The following TPD52L1 variants were observed in gnomAD, a reference collection of about 807,000 sequenced individuals.
TPD52L1 encodes the protein tumor protein D53.
A neutral mutation model predicts 28.7 loss-of-function variants in TPD52L1; 18 were observed. That is an observed-to-expected ratio of 0.63 (90% CI 0.43 to 0.93). The LOEUF is 0.93. Ranked by LOEUF, TPD52L1 falls within the 40% of genes least tolerant of loss-of-function variation. TPD52L1 has a pLI of 0.00. For missense variants in TPD52L1, 203 were observed against 254.8 expected, an observed-to-expected ratio of 0.80 and a Z score of 1.39; for synonymous variants, 75 against 88.8, an observed-to-expected ratio of 0.84 and a Z score of 0.88.
At chr6:125,202,034 T>G (rs560175835) in intron 1 of TPD52L1, among the ~76,000 whole-genome samples, 1 of 152,342 alleles carries the variant, frequency 6.6e-6, no homozygotes, top group East Asian at 1.9e-4. Flanking sequence ...CAATGCTTTT[T>G]GAATGTTCAG....
intron 1 of TPD52L1, among the ~76,000 whole-genome samples, chr6:125,202,432 C>A (rs1326498251): frequency 1.3e-5 from 2 of 152,092 alleles, no homozygotes; most frequent in African/African-American, 4.8e-5. Flanking sequence ...CACCTCACTC[C>A]CTCAGGAGTT....
intron 1 of TPD52L1, among the ~76,000 whole-genome samples, chr6:125,174,004 C>T (rs1360298482): frequency 1.3e-5 from 2 of 152,204 alleles, no homozygotes; most frequent in Non-Finnish European, 2.9e-5. Flanking sequence ...TTTCCCAGTG[C>T]AGTCCCTTAT....
chr6:125,250,085 C>A (rs755200893), intron 4 of TPD52L1, among the ~76,000 whole-genome samples: 15 of 151,992 alleles, frequency 9.9e-5, no homozygotes, highest in Non-Finnish European at 2.1e-4. Context: ...AAATAGGAAA[C>A]CCTCTATAAC....
chr6:125,172,157 T>TTTCTTTCTTTTC (rs1554202455), intron 1 of TPD52L1, among the ~76,000 whole-genome samples: 19 of 54,022 alleles, frequency 3.5e-4, no homozygotes, highest in Non-Finnish European at 4.4e-4. Flanking sequence ...TCTTTCTTTC[T>TTTCTTTCTTTTC]TTTCTTTCTT....
intron 3 of TPD52L1, among the ~76,000 whole-genome samples, chr6:125,245,472 AG>A (rs1796870743): frequency 6.6e-6 from 1 of 152,124 alleles, no homozygotes; most frequent in African/African-American, 2.4e-5. Flanking sequence ...AAAGCTCTCA[AG>A]AGTTTATGTC....
At chr6:125,154,937 GA>G (rs372603840) in intron 1 of TPD52L1, among the ~76,000 whole-genome samples, 4,950 of 145,650 alleles carry the variant, frequency 0.034, 282 homozygotes, top group African/African-American at 0.11. Context: ...TCATTAAAAA[GA>G]AAAAAAAAAA....
intron 6 of TPD52L1, chr6:125,261,518 A>G (rs569706867): frequency 6.6e-6 from 1 of 152,220 alleles, no homozygotes; most frequent in South Asian, 2.1e-4. Context: ...AGGGAAGGCC[A>G]GTGTGACTAT....
chr6:125,253,100 T>A (rs1312420646), intron 4 of TPD52L1: 2 of 152,336 alleles, frequency 1.3e-5, no homozygotes, highest in Non-Finnish European at 2.9e-5. Flanking sequence ...GAAGTTTAAA[T>A]CTCTTAAAAT....
rs545786943 is a variant in TPD52L1, at chr6:125,182,224, T to C, written c.19+28254T>C. 3.9e-5 allele frequency among the ~76,000 whole-genome samples: 6 copies of C among 152,322 alleles called. No individual in the cohort carries two copies. The East Asian group carries it at 1.2e-3, about 29-fold the overall frequency. ...CATACAAACCAATTTAAACCAATTC[T>C]GTGCTTTCTCTAGGGCAGATGTGCA... On this transcript the variant is annotated intron_variant, in intron 1 of 6. Coordinates refer to ENST00000534000, the MANE Select transcript of TPD52L1 (RefSeq NM_003287.4).
At position 125,190,890 on chromosome 6, in the gene TPD52L1, C is replaced by T. The variant is rs1373581245; in HGVS notation, c.20-29188C>T. Among the ~76,000 whole-genome samples, 3 of 152,222 alleles carry T rather than the reference C, an allele frequency of 2.0e-5. No individual in the cohort carries two copies. The South Asian group carries it at 6.2e-4, about 32-fold the overall frequency. ...TGGCTTGCCTGCCACTCACCTCCTG[C>T]TGTGCGGCCTTGTTCCTAACCGCCT... On this transcript the variant is annotated intron_variant, in intron 1 of 6. Transcript: ENST00000534000.
At chr6:125,185,381 A>C (rs1792533443) in intron 1 of TPD52L1, among the ~76,000 whole-genome samples, 1 of 152,184 alleles carries the variant, frequency 6.6e-6, no homozygotes, top group Admixed American at 6.5e-5. Context: ...AAAATTAGTC[A>C]AGTACTTGGC....
chr6:125,206,522 G>A (rs1185344361), intron 1 of TPD52L1, among the ~76,000 whole-genome samples: 1 of 152,134 alleles, frequency 6.6e-6, no homozygotes, highest in Non-Finnish European at 1.5e-5. Flanking sequence ...GTTTTCTAGA[G>A]TGACAGATGG....
chr6:125,177,810 A>G (rs1005787276), intron 1 of TPD52L1, among the ~76,000 whole-genome samples: 1 of 152,188 alleles, frequency 6.6e-6, no homozygotes, highest in African/African-American at 2.4e-5. Flanking sequence ...ACTTTGATAA[A>G]TATGATATTT....
intron 1 of TPD52L1, among the ~76,000 whole-genome samples, chr6:125,163,394 C>A (rs1268897015): frequency 4.6e-5 from 7 of 152,140 alleles, no homozygotes; most frequent in Admixed American, 2.6e-4. Context: ...CCAGCCCAGA[C>A]AACATAGCAA....
chr6:125,176,602 A>C (rs4896783), intron 1 of TPD52L1, among the ~76,000 whole-genome samples: 7,398 of 152,306 alleles, frequency 0.049, 418 homozygotes, highest in East Asian at 0.33. Context: ...CAGTAGTATA[A>C]GATCATTTCT....
At chr6:125,173,442 G>C (rs554126604) in intron 1 of TPD52L1, among the ~76,000 whole-genome samples, 93 of 152,270 alleles carry the variant, frequency 6.1e-4, no homozygotes, top group African/African-American at 2.0e-3. Context: ...TGGAGAGGCA[G>C]CCTGATGCAG....
rs555262046 is a variant in TPD52L1, at chr6:125,260,967, A to G, written c.487-1867A>G. On this transcript the variant is annotated intron_variant, in intron 6 of 6. Transcript: ENST00000534000. ...AAGAAAGAAAGAAAGAAAGAAAGAA[A>G]GAAAGAAAGAAAAGAAAAGAAAGAA... is the stretch of plus-strand genomic sequence containing the variant. 2.1e-3 allele frequency: 93 copies of G among 43,376 alleles called. 1 individual carries two copies. Among genetic ancestry groups the G allele is most frequent in the African/African-American group, 0.018 (84 of 4,576 alleles). 2.7% of individuals were successfully genotyped at this position (43,376 alleles called of 1,614,324 possible).
intron 1 of TPD52L1, among the ~76,000 whole-genome samples, chr6:125,168,762 C>T (rs1791082263): frequency 6.6e-6 from 1 of 152,122 alleles, no homozygotes; most frequent in Admixed American, 6.5e-5. Flanking sequence ...ATGATCCGCC[C>T]ACCTCGGCCT....
chr6:125,183,723 T>C (rs1258897507), intron 1 of TPD52L1, among the ~76,000 whole-genome samples: 2 of 151,228 alleles, frequency 1.3e-5, no homozygotes, highest in African/African-American at 2.4e-5. Context: ...AGGTGACTAA[T>C]ATAAAACAAT....
Sources: gnomAD v4.1 joint callset for allele counts (sites outside exome capture counted in the v4.1 genomes callset) on GRCh38, gnomAD v4.1.1 for gene constraint, MANE v1.5 for transcripts, NCBI Gene and HGNC (gene_info 2026-07-23, HGNC 2026-07-21) for gene names.